PALM2AKAP2: variants seen among roughly 807,000 people sequenced by gnomAD.
PALM2AKAP2 encodes PALM2 and AKAP2 fusion, also known as PALM2-AKAP2 fusion protein.
In PALM2AKAP2, 37 loss-of-function variants were observed where a neutral mutation model predicts 71.5. The ratio of observed to expected loss-of-function variants is 0.52; its 90% confidence interval spans 0.40 to 0.68. PALM2AKAP2 has a LOEUF of 0.68. Among genes scored for constraint, PALM2AKAP2 ranks in the 30% least tolerant of loss-of-function variants. The pLI is 0.00. For synonymous variants in PALM2AKAP2, 468 were observed against 478.8 expected (o/e 0.98, Z 0.29); for missense variants, 1,224 against 1,191.8 (o/e 1.03, Z -0.40).
chr9:110,138,456 G>T, exon 2 of PALM2AKAP2: 1 of 1,614,242 alleles, frequency 6.2e-7, no homozygotes, highest in South Asian at 1.1e-5. Flanking sequence ...AAGAGGCAGA[G>T]ACAAGTCTTG....
At chr9:110,012,283 ACT>A (rs892252057) in intron 6 of PALM2AKAP2, among the ~76,000 whole-genome samples, 92 of 151,970 alleles carry the variant, frequency 6.1e-4, no homozygotes, top group African/African-American at 2.2e-3. Context: ...ACAGAGCGAG[ACT>A]CTGTCTCAAA....
intron 1 of PALM2AKAP2, among the ~76,000 whole-genome samples, chr9:110,049,278 A>C (rs867097515): frequency 1.3e-5 from 2 of 152,238 alleles, no homozygotes; most frequent in Middle Eastern, 3.4e-3. Context: ...CGTTCCTTCT[A>C]GCTCGCGAGG....
At chr9:109,727,497 C>T (rs2118650052) in intron 1 of PALM2AKAP2, among the ~76,000 whole-genome samples, 1 of 151,852 alleles carries the variant, frequency 6.6e-6, no homozygotes, top group African/African-American at 2.4e-5. Context: ...TATATAGAGC[C>T]CCAAATACTT....
intron 1 of PALM2AKAP2, among the ~76,000 whole-genome samples, chr9:110,135,872 C>T (rs1356706156): frequency 1.3e-5 from 2 of 152,196 alleles, no homozygotes; most frequent in Non-Finnish European, 2.9e-5. Context: ...GATGTAATCT[C>T]TTCCACCTTA....
chr9:109,852,204 C>T (rs145310882), intron 1 of PALM2AKAP2, among the ~76,000 whole-genome samples: 348 of 152,068 alleles, frequency 2.3e-3, no homozygotes, highest in African/African-American at 8.0e-3. Context: ...ATCCTGTCAC[C>T]CAAGCCATGA....
At chr9:110,017,728 CCT>C (rs368105910) in intron 7 of PALM2AKAP2, among the ~76,000 whole-genome samples, 9,179 of 43,814 alleles carry the variant, frequency 0.21, 317 homozygotes, top group Middle Eastern at 0.3. Flanking sequence ...ACGGCATATT[CCT>C]TTTTTTTTTT....
chr9:109,780,081 G>C (rs1208686622), upstream of PALM2AKAP2, among the ~76,000 whole-genome samples: 1 of 151,110 alleles, frequency 6.6e-6, no homozygotes, highest in Admixed American at 6.6e-5. Flanking sequence ...GCGATCGCTC[G>C]GAGCCGCCTT....
intron 1 of PALM2AKAP2, among the ~76,000 whole-genome samples, chr9:109,712,412 T>TA (rs1828256193): frequency 1.3e-5 from 2 of 152,332 alleles, no homozygotes; most frequent in African/African-American, 4.8e-5. Context: ...TCCAAGGTGA[T>TA]ACTAATAGAC....
At chr9:110,143,772 T>C (rs1002752041) in intron 2 of PALM2AKAP2, among the ~76,000 whole-genome samples, 2 of 152,194 alleles carry the variant, frequency 1.3e-5, no homozygotes, top group African/African-American at 4.8e-5. Context: ...GTCAGATCAT[T>C]CACCCCGTGA....
At chr9:110,061,584 C>T (rs1833965732) in intron 1 of PALM2AKAP2, among the ~76,000 whole-genome samples, 1 of 149,266 alleles carries the variant, frequency 6.7e-6, no homozygotes, top group African/African-American at 2.4e-5. Context: ...CCGTAACAAC[C>T]TTTGATAGAG....
chr9:109,864,358 G>A (rs993289277), intron 1 of PALM2AKAP2, among the ~76,000 whole-genome samples: 2 of 152,170 alleles, frequency 1.3e-5, no homozygotes, highest in African/African-American at 4.8e-5. Flanking sequence ...TGGTCCGTGT[G>A]ACTAAAAGCC....
chr9:109,735,926 A>G (rs1311696744), intron 1 of PALM2AKAP2, among the ~76,000 whole-genome samples: 3 of 152,208 alleles, frequency 2.0e-5, no homozygotes, highest in Non-Finnish European at 4.4e-5. Context: ...TCGTTCTCAG[A>G]TGTTAAGGAC....
At position 109,650,109 on chromosome 9, in the gene PALM2AKAP2, G is replaced by A. The variant is rs936027958; in HGVS notation, c.5+9243G>A. Among the ~76,000 whole-genome samples the A allele has an allele frequency of 1.5e-4, 23 of 152,072 alleles. 1 individual carries two copies. The highest frequency in any genetic ancestry group is 5.6e-4 in the African/African-American group (23 of 41,416). ...GGGTTTTGCAGATAATAAACATTAA[G>A]GATTCACACAGTAGTGCCATCGGTG... is the stretch of plus-strand genomic sequence containing the variant. On this transcript the variant is annotated intron_variant, in intron 1 of 6. Coordinates refer to the PALM2AKAP2 transcript ENST00000374531.
chr9:110,128,776 A>T (rs1038236496), intron 1 of PALM2AKAP2, among the ~76,000 whole-genome samples: 4 of 152,198 alleles, frequency 2.6e-5, no homozygotes, highest in Non-Finnish European at 5.9e-5. Context: ...GTGGTGAAGG[A>T]CACCTTTCTG....
At chr9:110,006,042 C>A (rs1832774774) in intron 6 of PALM2AKAP2, among the ~76,000 whole-genome samples, 1 of 152,174 alleles carries the variant, frequency 6.6e-6, no homozygotes, top group African/African-American at 2.4e-5. Context: ...CCTGCACCCA[C>A]TGTCCAACAA....
At chr9:110,165,140 A>G (rs981000174) in intron 3 of PALM2AKAP2, among the ~76,000 whole-genome samples, 1 of 152,200 alleles carries the variant, frequency 6.6e-6, no homozygotes, top group African/African-American at 2.4e-5. Context: ...AAACAGTAAC[A>G]TCGTACTTAG....
intron 6 of PALM2AKAP2, among the ~76,000 whole-genome samples, chr9:109,997,963 C>G (rs534305806): frequency 6.6e-6 from 1 of 152,304 alleles, no homozygotes; most frequent in Non-Finnish European, 1.5e-5. Flanking sequence ...TAATGCCCAC[C>G]CTGCTGAGAA....
At chr9:109,660,348 C>G (rs575006624) in intron 1 of PALM2AKAP2, among the ~76,000 whole-genome samples, 2 of 152,180 alleles carry the variant, frequency 1.3e-5, no homozygotes, top group South Asian at 2.1e-4. Context: ...CCTCCCCAAC[C>G]CCCCCAACTC....
exon 4 of PALM2AKAP2, chr9:110,169,087 A>G (rs1836800131): frequency 6.5e-6 from 1 of 152,700 alleles, no homozygotes; most frequent in Admixed American, 6.5e-5. Flanking sequence ...AGAACAACTC[A>G]TGATCACAAT....
Sources: gnomAD v4.1 joint callset for allele counts (sites outside exome capture counted in the v4.1 genomes callset) on GRCh38, gnomAD v4.1.1 for gene constraint, MANE v1.5 for transcripts, NCBI Gene and HGNC (gene_info 2026-07-23, HGNC 2026-07-21) for gene names.